VPS13A: variants seen among roughly 807,000 people sequenced by gnomAD.
VPS13A encodes intermembrane lipid transfer protein VPS13A.
Under a neutral mutation model 390.9 loss-of-function variants are expected in VPS13A, and 264 were observed. The ratio of observed to expected loss-of-function variants is 0.68; its 90% CI spans 0.61 to 0.75. VPS13A has a LOEUF of 0.75. Among genes scored for constraint, VPS13A ranks in the 30% least tolerant of loss-of-function variants. VPS13A has a pLI of 0.00. For synonymous variants in VPS13A, 1,231 were observed against 1,227.1 expected (o/e 1.00, Z -0.07); for missense variants, 3,409 against 3,733.9 (o/e 0.91, Z 2.27).
intron 35 of VPS13A, among the ~76,000 whole-genome samples, chr9:77,313,648 G>A (rs1301559700): frequency 6.6e-6 from 1 of 152,044 alleles, no homozygotes; most frequent in Non-Finnish European, 1.5e-5. Context: ...ACTGAATTAT[G>A]TGCCAGTTAC....
At chr9:77,186,565 G>A (rs1446341768) in intron 1 of VPS13A, among the ~76,000 whole-genome samples, 1 of 152,054 alleles carries the variant, frequency 6.6e-6, no homozygotes, top group East Asian at 1.9e-4. Context: ...AGCCTCCTAA[G>A]TAGCTGGGAC....
intron 47 of VPS13A, 48 bp downstream of exon 47, chr9:77,337,585 T>G: frequency 6.3e-7 from 1 of 1,576,388 alleles, no homozygotes; most frequent in African/African-American, 1.4e-5. Context: ...TTTTGTAGTT[T>G]CAGTTTTTTA....
At chr9:77,187,920 T>G (rs1391519727) in intron 1 of VPS13A, among the ~76,000 whole-genome samples, 1 of 152,162 alleles carries the variant, frequency 6.6e-6, no homozygotes, top group African/African-American at 2.4e-5. Context: ...TGTGTCCATG[T>G]GTACTGGATA....
Position 77,283,476 on chromosome 9 carries a change from T to C in VPS13A, c.3235+5T>C, listed in dbSNP as rs370140329. 32 of 1,602,508 alleles carry C rather than the reference T, an allele frequency of 2.0e-5. No homozygotes were observed. In the African/African-American group the frequency reaches 3.1e-4, roughly 15 times the overall value. ...TTTCTGAAATTAAGATTGAAGGTAA[T>C]AAAATTTCACAAAAAGCAAATTAAA... On this transcript the variant is annotated splice_donor_5th_base_variant and intron_variant, in intron 30 of 71. Coordinates refer to ENST00000360280, the MANE Select transcript of VPS13A (RefSeq NM_033305.3).
chr9:77,258,811 AT>A (rs150150260), intron 22 of VPS13A, among the ~76,000 whole-genome samples: 1 of 151,884 alleles, frequency 6.6e-6, no homozygotes, highest in Non-Finnish European at 1.5e-5. Flanking sequence ...CTAAGAATTG[AT>A]TTTTTTTAGC....
intron 67 of VPS13A, among the ~76,000 whole-genome samples, chr9:77,376,578 A>G (rs1034623843): frequency 6.6e-6 from 1 of 152,198 alleles, no homozygotes; most frequent in Non-Finnish European, 1.5e-5. Flanking sequence ...GAATAATTCT[A>G]AAGTTTTTAT....
intron 1 of VPS13A, among the ~76,000 whole-genome samples, chr9:77,191,341 T>C (rs1824675812): frequency 6.6e-6 from 1 of 150,438 alleles, no homozygotes; most frequent in Non-Finnish European, 1.5e-5. Context: ...TTGCCGAGGC[T>C]GAAGTGGAGT....
intron 3 of VPS13A, among the ~76,000 whole-genome samples, chr9:77,203,147 A>G (rs1193841226): frequency 6.6e-6 from 1 of 152,236 alleles, no homozygotes; most frequent in Non-Finnish European, 1.5e-5. Flanking sequence ...TAGATATATC[A>G]AATATAAATA....
intron 1 of VPS13A, among the ~76,000 whole-genome samples, chr9:77,182,922 G>T (rs1198038392): frequency 6.6e-6 from 1 of 152,140 alleles, no homozygotes; most frequent in African/African-American, 2.4e-5. Flanking sequence ...GATACCAGAA[G>T]CAGTACAAAA....
Position 77,402,230 on chromosome 9 carries a change from T to G in VPS13A, c.9190-1006T>G, listed in dbSNP as rs186963606. Among the ~76,000 whole-genome samples, 48 of 152,356 alleles carry G rather than the reference T, an allele frequency of 3.2e-4. 1 individual carries two copies. Among genetic ancestry groups the G allele is most frequent in the African/African-American group, 1.1e-3 (45 of 41,584 alleles). On this transcript the variant is annotated intron_variant, in intron 68 of 71. Transcript: ENST00000360280. ...ACTTCTTCCATGCAATTAATCTGTA[T>G]GAGTCATCCTGCTATTTTAGTTTTT...
At chr9:77,196,429 C>T (rs564458504) in intron 1 of VPS13A, among the ~76,000 whole-genome samples, 41 of 152,262 alleles carry the variant, frequency 2.7e-4, no homozygotes, top group African/African-American at 9.1e-4. Flanking sequence ...AGAACTTATT[C>T]TTCCCATCTT....
At chr9:77,230,258 T>G (rs369175685) in intron 17 of VPS13A, among the ~76,000 whole-genome samples, 2 of 152,112 alleles carry the variant, frequency 1.3e-5, no homozygotes, top group African/African-American at 4.8e-5. Flanking sequence ...ATTTATATTT[T>G]TTTTGCTACA....
chr9:77,215,013 G>A (rs890096937), intron 10 of VPS13A, among the ~76,000 whole-genome samples: 40 of 152,052 alleles, frequency 2.6e-4, no homozygotes, highest in African/African-American at 8.2e-4. Context: ...CAATCTGCCC[G>A]CCTCGGCCTT....
At chr9:77,357,582 A>G in intron 55 of VPS13A, 110 bp from the exon 56 acceptor site, 1 of 1,118,882 alleles carries the variant, frequency 8.9e-7, no homozygotes, top group South Asian at 1.5e-5. Flanking sequence ...CTAAATCTAA[A>G]CTAATACAAA....
In VPS13A at chr9:77,420,564, G is replaced by A. The variant is rs1835311835; in HGVS notation, c.*4558G>A. 2 of 151,886 alleles carry A rather than the reference G, an allele frequency of 1.3e-5. No individual in the cohort carries two copies. The highest frequency in any genetic ancestry group is 4.8e-5 in the African/African-American group (2 of 41,364). 9.4% of individuals were successfully genotyped at this position (151,886 alleles called of 1,614,324 possible). On this transcript the variant is annotated 3_prime_UTR_variant, in exon 72 of 72. Coordinates refer to ENST00000360280, the MANE Select transcript of VPS13A (RefSeq NM_033305.3). ...AGGTTGATATGGGTATATTTTTAAA[G>A]TTTTTATTACTTTATACAAATACAA...
rs1834586910 is a variant in VPS13A, at chr9:77,406,006, T to C, written c.9399+19T>C. On this transcript the variant is annotated intron_variant, in intron 70 of 71. Transcript: ENST00000360280. ...AGCAAAGGTATGTTGAATAGATTTA[T>C]TTTTTGAAAACTTGGAACTGAAAAT... 1 of 1,612,760 alleles carries C rather than the reference T, an allele frequency of 6.2e-7. No individual in the cohort carries two copies. Among genetic ancestry groups the C allele is most frequent in the African/African-American group, 1.3e-5 (1 of 75,048 alleles).
chr9:77,271,233 C>T (rs1388738475), intron 23 of VPS13A, among the ~76,000 whole-genome samples: 1 of 152,028 alleles, frequency 6.6e-6, no homozygotes, highest in African/African-American at 2.4e-5. Context: ...CAGAAAAATG[C>T]AAATCAAAGC....
At chr9:77,218,393 G>A (rs1005377313) in intron 10 of VPS13A, among the ~76,000 whole-genome samples, 7 of 151,860 alleles carry the variant, frequency 4.6e-5, no homozygotes, top group Admixed American at 3.3e-4. Flanking sequence ...GATTACAGGC[G>A]TGAGCCACTG....
At chr9:77,306,857 G>T (rs575628149) in intron 34 of VPS13A, among the ~76,000 whole-genome samples, 123 of 151,966 alleles carry the variant, frequency 8.1e-4, no homozygotes, top group African/African-American at 2.7e-3. Context: ...CAGGTCTTAT[G>T]CTGTTGATTT....
Sources: allele counts gnomAD v4.1 joint callset (sites outside exome capture counted in the v4.1 genomes callset), GRCh38; gene constraint gnomAD v4.1.1; transcripts MANE v1.5; gene names NCBI Gene and HGNC (gene_info 2026-07-23, HGNC 2026-07-21).